Variants in SMYD4 observed in about 807,000 individuals in gnomAD.
The protein encoded by SMYD4 is SET and MYND domain containing 4, also known as protein-lysine N-methyltransferase SMYD4.
Under a neutral mutation model 72.8 loss-of-function variants are expected in SMYD4, and 68 were observed. That is an observed-to-expected ratio of 0.93 (90% CI 0.77 to 1.14). The LOEUF (loss-of-function observed/expected upper bound fraction) is 1.14, where lower values mean the gene tolerates loss of function less well. Ranked by LOEUF, SMYD4 falls within the 50% of genes most tolerant of loss-of-function variation. SMYD4 has a pLI of 0.00. For missense variants in SMYD4, 984 were observed against 1,003.7 expected, an observed-to-expected ratio of 0.98 and a Z score of 0.27; for synonymous variants, 407 against 388.6, an observed-to-expected ratio of 1.05 and a Z score of -0.56.
chr17:1,791,502 T>A (rs1243189274), intron 5 of SMYD4, among the ~76,000 whole-genome samples: 1 of 151,972 alleles, frequency 6.6e-6, no homozygotes, highest in African/African-American at 2.4e-5. Context: ...GAACACTAAA[T>A]TGAGAGGGAT....
rs66773474 is a variant in SMYD4 at position 1,792,042 on chromosome 17, ATT to A, written c.1538-4440_1538-4439del. Reference sequence around the variant, plus strand: ...ATCTTTAAATCCTAACCTAAAATACATTTTTTTTTTTTTTGAGACGGGGTCTC... The same window carrying A: ...ATCTTTAAATCCTAACCTAAAATACATTTTTTTTTTTTGAGACGGGGTCTC... On this transcript the variant is annotated intron_variant, in intron 5 of 10. Coordinates refer to ENST00000305513, the MANE Select transcript of SMYD4 (RefSeq NM_052928.3). 3.0e-3 allele frequency among the ~76,000 whole-genome samples: 434 copies of A among 143,132 alleles called. 2 individuals carry two copies. The highest frequency in any genetic ancestry group is 8.6e-3 in the African/African-American group (333 of 38,770). The allele number at this position is 143,132 out of a possible 152,430, so 93.9% of individuals were successfully genotyped here.
At chr17:1,787,660 G>A in intron 5 of SMYD4, 56 bp from the exon 6 acceptor site, 1 of 1,492,362 alleles carries the variant, frequency 6.7e-7, no homozygotes, top group Non-Finnish European at 9.0e-7. Context: ...CCCTGGCCTT[G>A]CCCTCTGTTC....
rs1908362412 is a variant in SMYD4, at chr17:1,781,504, T to C, written c.2262-65A>G. The C allele has an allele frequency of 1.9e-6, 3 of 1,549,394 alleles. No individual in the cohort carries two copies. In the South Asian group the frequency reaches 3.5e-5, roughly 18 times the overall value. On this transcript the variant is annotated intron_variant, in intron 10 of 10. Transcript: ENST00000305513. ...GTGAGGCAAATGTTAATTGAGGGCC[T>C]ACTCACACACCGTGAAGAATGTAAG...
intron 7 of SMYD4, among the ~76,000 whole-genome samples, chr17:1,786,061 G>A (rs1908674547): frequency 6.6e-6 from 1 of 152,240 alleles, no homozygotes; most frequent in African/African-American, 2.4e-5. Flanking sequence ...AGCTGAGGGT[G>A]TGGCATGTGG....
At chr17:1,794,105 A>ATATATATATATTTTTT (rs1291818005) in intron 5 of SMYD4, among the ~76,000 whole-genome samples, 1 of 12,992 alleles carries the variant, frequency 7.7e-5, no homozygotes, top group Non-Finnish European at 1.4e-4. Flanking sequence ...ATATATATAT[A>ATATATATATATTTTTT]TTTTTTTTTT....
intron 3 of SMYD4, among the ~76,000 whole-genome samples, chr17:1,807,424 C>CT (rs992895270): frequency 6.6e-6 from 1 of 151,906 alleles, no homozygotes; most frequent in Non-Finnish European, 1.5e-5. Flanking sequence ...TACCGCCCCC[C>CT]CCGGCCCCCA....
Position 1,811,952 on chromosome 17 carries a change from T to A in SMYD4, c.279+19A>T. 6.2e-7 allele frequency: 1 copy of A among 1,605,804 alleles called. No individual in the cohort carries two copies. The highest frequency in any genetic ancestry group is 8.5e-7 in the Non-Finnish European group (1 of 1,177,478). Reference sequence around the variant, plus strand: ...AGAGAAAAATAAATAATAAATTGCTTGAGCTGGGAGTGTTTTACCTTAGAG... The same window carrying A: ...AGAGAAAAATAAATAATAAATTGCTAGAGCTGGGAGTGTTTTACCTTAGAG... On this transcript the variant is annotated intron_variant, in intron 3 of 10. Transcript: ENST00000305513.
intron 3 of SMYD4, among the ~76,000 whole-genome samples, chr17:1,806,621 C>T (rs1248441060): frequency 1.3e-5 from 2 of 152,054 alleles, no homozygotes; most frequent in East Asian, 3.9e-4. Flanking sequence ...CATTTTTTTA[C>T]CTATCAGGCA....
Position 1,812,122 on chromosome 17 carries a change from GAAGA to G in SMYD4, c.135-11_135-8del, listed in dbSNP as rs1910361129. 9 of 1,610,064 alleles carry G rather than the reference GAAGA, an allele frequency of 5.6e-6. No homozygotes were observed. The highest frequency in any genetic ancestry group is 7.6e-6 in the Non-Finnish European group (9 of 1,178,908). ...AAACAGCTCATCCTCAGGTCTGCAT[GAAGA>G]AAGGAGGAAACAAAGTAAGCAGAAA... On this transcript the variant is annotated splice_region_variant and splice_polypyrimidine_tract_variant and intron_variant, in intron 2 of 10. Coordinates refer to ENST00000305513, the MANE Select transcript of SMYD4 (RefSeq NM_052928.3).
At position 1,826,921 on chromosome 17, in the gene SMYD4, C is replaced by T. The variant is rs181520709; in HGVS notation, c.134+940G>A. 7.9e-5 allele frequency among the ~76,000 whole-genome samples: 12 copies of T among 152,022 alleles called. No individual in the cohort carries two copies. The East Asian group carries it at 9.7e-4, about 12-fold the overall frequency. On this transcript the variant is annotated intron_variant, in intron 2 of 10. Transcript: ENST00000305513. ...ATCCCAGCACTTTGGGAGGCTGAGG[C>T]GGGCGGATCATTTGAGGGCAGGAGT...
intron 2 of SMYD4, 48 bp downstream of exon 2, chr17:1,827,813 G>T: frequency 1.3e-6 from 2 of 1,572,654 alleles, no homozygotes; most frequent in South Asian, 1.1e-5. Context: ...TGACAAAATA[G>T]AACATTTTTT....
At chr17:1,790,081 G>A (rs1908939457) in intron 5 of SMYD4, among the ~76,000 whole-genome samples, 8 of 152,130 alleles carry the variant, frequency 5.3e-5, no homozygotes, top group Admixed American at 5.2e-4. Flanking sequence ...AGCCGTCCAG[G>A]GCATGAACAA....
chr17:1,809,677 T>C (rs1020288918), intron 3 of SMYD4, among the ~76,000 whole-genome samples: 14 of 104,176 alleles, frequency 1.3e-4, no homozygotes, highest in African/African-American at 5.0e-4. Context: ...GCCCGGCCTA[T>C]TATTATTGTT....
intron 5 of SMYD4, among the ~76,000 whole-genome samples, chr17:1,790,794 G>A (rs1908977540): frequency 6.6e-6 from 1 of 151,760 alleles, no homozygotes; most frequent in Non-Finnish European, 1.5e-5. Context: ...GCTAAGCCAT[G>A]CCCATCCCTG....
chr17:1,804,511 A>G (rs1235827800), intron 4 of SMYD4, 115 bp downstream of exon 4: 2 of 920,936 alleles, frequency 2.2e-6, no homozygotes, highest in African/African-American at 1.6e-5. Flanking sequence ...AATTCAACCA[A>G]TAGCAGCATG....
At chr17:1,806,431 T>C (rs1464320151) in intron 3 of SMYD4, among the ~76,000 whole-genome samples, 2 of 152,214 alleles carry the variant, frequency 1.3e-5, no homozygotes, top group African/African-American at 4.8e-5. Flanking sequence ...AAAGAGCTAA[T>C]TTCTTTACTT....
chr17:1,829,548 C>T, intron 1 of SMYD4, 178 bp downstream of exon 1: 1 of 152,546 alleles, frequency 6.6e-6, no homozygotes. Context: ...GGACGGGGGC[C>T]GGGTCTGATT....
chr17:1,818,267 C>T (rs1411926271), intron 2 of SMYD4, among the ~76,000 whole-genome samples: 2 of 152,030 alleles, frequency 1.3e-5, no homozygotes, highest in Non-Finnish European at 2.9e-5. Context: ...AGCTAACTGG[C>T]GAAGGAGAAA....
At chr17:1,788,519 G>A (rs368048878) in intron 5 of SMYD4, among the ~76,000 whole-genome samples, 1 of 152,096 alleles carries the variant, frequency 6.6e-6, no homozygotes, top group East Asian at 1.9e-4. Flanking sequence ...GCCGAGGCGG[G>A]CAGATCACAA....
Sources: allele counts gnomAD v4.1 joint callset (sites outside exome capture counted in the v4.1 genomes callset), GRCh38; gene constraint gnomAD v4.1.1; transcripts MANE v1.5; gene names NCBI Gene and HGNC (gene_info 2026-07-23, HGNC 2026-07-21).